The following EP400 variants were observed in gnomAD, a reference collection of about 807,000 sequenced individuals.
EP400 encodes the protein E1A-binding protein p400.
A neutral mutation model predicts 354.1 loss-of-function variants in EP400; 105 were observed. That is an observed-to-expected ratio of 0.30 (90% CI 0.25 to 0.35). The LOEUF is 0.35. Ranked by LOEUF, EP400 falls within the 10% of genes least tolerant of loss-of-function variation. The pLI, the probability that EP400 is intolerant of heterozygous loss-of-function variation, is 1.00. For synonymous variants in EP400, 1,646 were observed against 1,716.9 expected, an observed-to-expected ratio of 0.96 and a Z score of 1.02; for missense variants, 3,280 against 4,121.0, an observed-to-expected ratio of 0.80 and a Z score of 5.59.
intron 24 of EP400, among the ~76,000 whole-genome samples, chr12:132,024,670 G>C (rs1413263979): frequency 6.6e-6 from 1 of 151,284 alleles, no homozygotes; most frequent in Non-Finnish European, 1.5e-5. Context: ...ACCCACAGCA[G>C]CCCCCGCAGC....
rs1895921044 is a variant in EP400 at position 132,067,242 on chromosome 12, T to A, written c.8750-120T>A. The A allele has an allele frequency of 4.2e-6, 6 of 1,424,908 alleles. No individual in the cohort carries two copies. 88.3% of individuals were successfully genotyped at this position (1,424,908 alleles called of 1,614,324 possible). A position where few individuals can be genotyped will look rare whatever the true frequency, so the allele number is the denominator to read the frequency against. ...ATGTAGTTAAGGGATGGCTTACTTG[T>A]CTCCATAGAGTTTCATAGTTTGTTA... On this transcript the variant is annotated intron_variant, in intron 49 of 52. Coordinates refer to ENST00000389561, the MANE Select transcript of EP400 (RefSeq NM_015409.5). This position sits in a 1 kb window ranked among gnomAD's most constrained non-coding sequence, Gnocchi z 5.3.
intron 45 of EP400, among the ~76,000 whole-genome samples, chr12:132,055,501 G>GGT (rs373358056): frequency 5.5e-5 from 7 of 128,344 alleles, no homozygotes; most frequent in Admixed American, 7.7e-5. Context: ...GTGAGGTGTA[G>GGT]GTGTGTGTGT....
At position 131,960,707 on chromosome 12, in the gene EP400, G is replaced by GTCCCCCCCCCCCCCCCCCCCCC; in HGVS notation, c.88_89insTCCCCCCCCCCCCCCCCCCCCC (p.Ala30ValfsTer42). The GTCCCCCCCCCCCCCCCCCCCCC allele has an allele frequency of 6.5e-7, 1 of 1,545,590 alleles. No individual in the cohort carries two copies. The highest frequency in any genetic ancestry group is 1.2e-5 in the South Asian group (1 of 83,348). ...TGGCAGCGAGGGTGAGGAGCAGCCG[G>GTCCCCCCCCCCCCCCCCCCCCC]CCCACCCCAACCCACCCCCGTCCCC... On this transcript the variant is annotated frameshift_variant, in exon 2 of 53. Coordinates refer to ENST00000389561, the MANE Select transcript of EP400 (RefSeq NM_015409.5). LOFTEE classifies it high-confidence loss of function.
Position 131,994,425 on chromosome 12 carries a change from G to T in EP400, c.2738-442G>T, listed in dbSNP as rs1297288278. Among the ~76,000 whole-genome samples, 1 of 152,156 alleles carries T rather than the reference G, an allele frequency of 6.6e-6. No homozygotes were observed. The highest frequency in any genetic ancestry group is 2.4e-5 in the African/African-American group (1 of 41,426). On this transcript the variant is annotated intron_variant, in intron 11 of 52. Coordinates refer to ENST00000389561, the MANE Select transcript of EP400 (RefSeq NM_015409.5). The surrounding 1 kb of genome is among the most constrained non-coding windows in gnomAD (Gnocchi z 4.6). ...CGAGTGAGGCGTGAGGTTCAGGGCT[G>T]GAGGGCTGAAGAGAGCGGAGTGGGC...
At chr12:132,041,557 C>T (rs957967010) in intron 32 of EP400, among the ~76,000 whole-genome samples, 8 of 152,174 alleles carry the variant, frequency 5.3e-5, no homozygotes, top group Admixed American at 2.6e-4. Context: ...AATATACCGC[C>T]GTTTATCAGA....
intron 45 of EP400, among the ~76,000 whole-genome samples, chr12:132,058,353 A>ATTTTTTT (rs60226464): frequency 7.7e-6 from 1 of 129,562 alleles, no homozygotes; most frequent in African/African-American, 3.0e-5. Context: ...TAAAGATTGG[A>ATTTTTTT]TTTTTTTTTT....
chr12:132,035,141 T>C (rs1392764527), intron 30 of EP400, among the ~76,000 whole-genome samples: 1 of 152,148 alleles, frequency 6.6e-6, no homozygotes, highest in Non-Finnish European at 1.5e-5. Flanking sequence ...GAGAGGCCGC[T>C]CCAGCTCACT....
intron 1 of EP400, among the ~76,000 whole-genome samples, chr12:131,950,537 C>G (rs984791108): frequency 6.6e-6 from 1 of 152,104 alleles, no homozygotes; most frequent in African/African-American, 2.4e-5. Flanking sequence ...ACTTAAGGAC[C>G]CCGCGTCCCG....
At chr12:131,977,512 T>C (rs191320753) in intron 2 of EP400, among the ~76,000 whole-genome samples, 43 of 152,140 alleles carry the variant, frequency 2.8e-4, no homozygotes, top group Non-Finnish European at 3.7e-4. Flanking sequence ...AGTTTTTTTT[T>C]TTTTTAATTA....
At chr12:131,975,175 A>G (rs954186562) in intron 2 of EP400, among the ~76,000 whole-genome samples, 21 of 152,150 alleles carry the variant, frequency 1.4e-4, no homozygotes, top group Non-Finnish European at 2.5e-4. Flanking sequence ...TCTGGGAAGC[A>G]GGCTGAGTGT....
intron 47 of EP400, among the ~76,000 whole-genome samples, chr12:132,063,775 C>T (rs902966487): frequency 3.0e-4 from 46 of 152,136 alleles, no homozygotes; most frequent in African/African-American, 1.1e-3. Context: ...TTATCCTGTT[C>T]CTGTCACACC....
At chr12:132,049,335 C>T (rs1895218559) in intron 39 of EP400, among the ~76,000 whole-genome samples, 1 of 152,240 alleles carries the variant, frequency 6.6e-6, no homozygotes. Context: ...CTTCCCTTTG[C>T]TTACTCTTAG....
At chr12:131,989,601 A>G (rs1892966081) in intron 7 of EP400, among the ~76,000 whole-genome samples, 1 of 152,260 alleles carries the variant, frequency 6.6e-6, no homozygotes, top group Non-Finnish European at 1.5e-5. Context: ...AATAATTTCT[A>G]TAACTGGTGC....
chr12:132,013,840 T>C lies in EP400; in HGVS notation c.3850T>C (p.Tyr1284His), dbSNP rs142219916. Reference sequence around the variant, plus strand: ...TGTGGAAAAGCAACTAACAAAGAAATATGAGCATGTTTTGAAGTGTCGCCT... The same window carrying C: ...TGTGGAAAAGCAACTAACAAAGAAACATGAGCATGTTTTGAAGTGTCGCCT... ...RDVEKQLTKK[Y>H]EHVLKCRLSN... Residue 1284 changes from tyrosine (Y) to histidine (H), a missense_variant, in exon 19 of 53, where the codon TAT becomes CAT. Transcript: ENST00000389561. The surrounding 1 kb of genome is among the most constrained non-coding windows in gnomAD (Gnocchi z 4.5). The C allele has an allele frequency of 2.7e-4, 438 of 1,614,074 alleles. No individual in the cohort carries two copies. Among genetic ancestry groups the C allele is most frequent in the Non-Finnish European group, 3.2e-4 (377 of 1,180,046 alleles).
intron 23 of EP400, among the ~76,000 whole-genome samples, chr12:132,023,299 A>ATTTTTTTTT (rs767816284): frequency 1.4e-4 from 10 of 71,040 alleles, no homozygotes; most frequent in East Asian, 3.6e-4. Context: ...TGCCCAGCTA[A>ATTTTTTTTT]TTTTTTTTTT....
intron 39 of EP400, among the ~76,000 whole-genome samples, chr12:132,048,447 G>T (rs534987180): frequency 6.6e-6 from 1 of 151,260 alleles, no homozygotes; most frequent in Non-Finnish European, 1.5e-5. Flanking sequence ...CAACAATATT[G>T]TCTTCTTTTA....
chr12:131,985,308 C>G (rs1423797176), intron 5 of EP400, among the ~76,000 whole-genome samples: 1 of 152,274 alleles, frequency 6.6e-6, no homozygotes, highest in Admixed American at 6.5e-5. Flanking sequence ...AGTGAAGACA[C>G]AGCCGCTCAC....
chr12:131,976,619 A>G (rs1286937043), intron 2 of EP400, among the ~76,000 whole-genome samples: 1 of 152,186 alleles, frequency 6.6e-6, no homozygotes, highest in Admixed American at 6.5e-5. Flanking sequence ...CTGAGGCAGG[A>G]GAATCGCTTG....
chr12:131,960,605 A>C lies in EP400; in HGVS notation c.-15A>C. The C allele has an allele frequency of 6.3e-7, 1 of 1,575,392 alleles. No individual in the cohort carries two copies. The highest frequency in any genetic ancestry group is 2.3e-5 in the East Asian group (1 of 43,802). ...TTTAGGAGAACGACACATTGGATAC[A>C]GAAGGGAGGTGATCATGCACCATGG... On this transcript the variant is annotated 5_prime_UTR_variant, in exon 2 of 53. Transcript: ENST00000389561.
Sources: gnomAD v4.1 joint callset for allele counts (sites outside exome capture counted in the v4.1 genomes callset) on GRCh38, gnomAD v4.1.1 for gene constraint, Gnocchi (gnomAD v3.1) non-coding constraint, MANE v1.5 for transcripts, NCBI Gene and HGNC (gene_info 2026-07-23, HGNC 2026-07-21) for gene names.